The following KLF12 variants were observed in gnomAD, a reference collection of about 807,000 sequenced individuals.
KLF12 encodes the protein KLF transcription factor 12.
A neutral mutation model predicts 37.8 loss-of-function variants in KLF12; 9 were observed. The ratio of observed to expected loss-of-function variants is 0.24; its 90% CI spans 0.14 to 0.42. KLF12 has a LOEUF of 0.42. Among genes scored for constraint, KLF12 ranks in the 10% least tolerant of loss-of-function variants. The pLI, the probability that KLF12 is intolerant of heterozygous loss-of-function variation, is 1.00. For missense variants in KLF12, 411 were observed against 516.0 expected, an observed-to-expected ratio of 0.80 and a Z score of 1.97; for synonymous variants, 208 against 202.1, an observed-to-expected ratio of 1.03 and a Z score of -0.25.
intron 3 of KLF12, among the ~76,000 whole-genome samples, chr13:73,912,553 G>T (rs767538846): frequency 1.3e-5 from 2 of 152,068 alleles, no homozygotes; most frequent in Non-Finnish European, 2.9e-5. Flanking sequence ...TACAAACTAA[G>T]GGACACCAAA....
chr13:74,000,488 ATACTT>A (rs1259813436), intron 1 of KLF12, among the ~76,000 whole-genome samples: 3 of 152,200 alleles, frequency 2.0e-5, no homozygotes, highest in African/African-American at 7.2e-5. Flanking sequence ...TCGACTTAAA[ATACTT>A]CATTTATAAA....
At chr13:73,744,195 G>A (rs567126319) in intron 6 of KLF12, among the ~76,000 whole-genome samples, 139 of 152,182 alleles carry the variant, frequency 9.1e-4, no homozygotes, top group Non-Finnish European at 6.5e-4. Context: ...GGGTAGCATG[G>A]ATTGGATTAG....
chr13:74,200,332 G>A, the KLF12 span, among the ~76,000 whole-genome samples: 3 of 152,078 alleles, frequency 2.0e-5, no homozygotes, highest in Admixed American at 6.6e-5. Flanking sequence ...TATGTTTATT[G>A]GCAGTAGAAC....
At chr13:73,861,597 G>C (rs866611108) in intron 3 of KLF12, among the ~76,000 whole-genome samples, 4 of 152,184 alleles carry the variant, frequency 2.6e-5, no homozygotes, top group Admixed American at 6.5e-5. Flanking sequence ...GACCAAGAGT[G>C]TCGAAGTTTA....
At chr13:73,720,881 A>C (rs1876189669) in intron 6 of KLF12, among the ~76,000 whole-genome samples, 1 of 152,208 alleles carries the variant, frequency 6.6e-6, no homozygotes, top group Admixed American at 6.5e-5. Flanking sequence ...TTTTTACAGG[A>C]GTTAAAAAAA....
the KLF12 span, among the ~76,000 whole-genome samples, chr13:74,274,099 A>G: frequency 6.6e-6 from 1 of 152,160 alleles, no homozygotes; most frequent in African/African-American, 2.4e-5. Context: ...TCTTCCAGGG[A>G]ATGTGATTAT....
intron 1 of KLF12, among the ~76,000 whole-genome samples, chr13:74,121,725 G>A (rs1447201340): frequency 6.6e-6 from 1 of 151,912 alleles, no homozygotes; most frequent in African/African-American, 2.4e-5. Flanking sequence ...TATCCCAGGA[G>A]AGGTGTGATG....
At chr13:73,833,817 A>G (rs1884289339) in intron 4 of KLF12, among the ~76,000 whole-genome samples, 1 of 152,078 alleles carries the variant, frequency 6.6e-6, no homozygotes, top group African/African-American at 2.4e-5. Flanking sequence ...TGTGAGGTAG[A>G]TGTGAGGACG....
chr13:73,709,793 G>A (rs1875221835), intron 7 of KLF12, among the ~76,000 whole-genome samples: 1 of 152,124 alleles, frequency 6.6e-6, no homozygotes, highest in African/African-American at 2.4e-5. Context: ...GGAAACAGGA[G>A]AGCTAGGTGG....
intron 7 of KLF12, among the ~76,000 whole-genome samples, chr13:73,704,495 T>C (rs1009638966): frequency 3.3e-5 from 5 of 152,172 alleles, no homozygotes; most frequent in African/African-American, 1.2e-4. Context: ...CAGTTCTGCC[T>C]TCTAAAATCT....
chr13:74,151,693 C>T, the KLF12 span, among the ~76,000 whole-genome samples: 1 of 148,074 alleles, frequency 6.8e-6, no homozygotes. Flanking sequence ...TTCTCCAAAC[C>T]CAGGAAGAAG....
chr13:73,747,676 C>T (rs1878465808), intron 6 of KLF12, among the ~76,000 whole-genome samples: 1 of 152,034 alleles, frequency 6.6e-6, no homozygotes, highest in African/African-American at 2.4e-5. Flanking sequence ...TAATATAGTG[C>T]ATTTAATCCT....
chr13:73,850,872 C>G (rs1885300368), intron 3 of KLF12, among the ~76,000 whole-genome samples: 1 of 152,192 alleles, frequency 6.6e-6, no homozygotes, highest in Non-Finnish European at 1.5e-5. Flanking sequence ...ACTTGCCTAA[C>G]ATTACATAGC....
intron 1 of KLF12, among the ~76,000 whole-genome samples, chr13:74,116,015 T>G (rs797015052): frequency 6.6e-6 from 1 of 152,326 alleles, no homozygotes; most frequent in Middle Eastern, 3.4e-3. Context: ...CATTCCACAC[T>G]CTATCGCTGC....
the KLF12 span, among the ~76,000 whole-genome samples, chr13:74,189,068 C>T: frequency 1.8e-4 from 28 of 152,214 alleles, 1 homozygote; most frequent in Middle Eastern, 3.4e-3. Context: ...TTTAGAAGTG[C>T]TCCTGTGCCT....
At chr13:73,960,110 A>C (rs7320779) in intron 2 of KLF12, among the ~76,000 whole-genome samples, 99,231 of 151,504 alleles carry the variant, frequency 0.65, 34,222 homozygotes, top group East Asian at 0.81. Flanking sequence ...TGCTTCCAGT[A>C]TTAAAAATAA....
intron 1 of KLF12, among the ~76,000 whole-genome samples, chr13:74,028,111 T>G (rs2138465765): frequency 6.6e-6 from 1 of 152,302 alleles, no homozygotes; most frequent in South Asian, 2.1e-4. Context: ...CTATCAGAAC[T>G]CCTTTGAAAG....
intron 1 of KLF12, among the ~76,000 whole-genome samples, chr13:74,026,332 C>T (rs1892975856): frequency 6.6e-6 from 1 of 152,044 alleles, no homozygotes. Flanking sequence ...TAGTTGCATG[C>T]TTCTCTAATA....
At chr13:73,714,563 G>A (rs759224295) in intron 7 of KLF12, among the ~76,000 whole-genome samples, 9 of 152,156 alleles carry the variant, frequency 5.9e-5, no homozygotes, top group Non-Finnish European at 1.0e-4. Context: ...GCTTCACGCA[G>A]TCCAGTCACC....
Sources: gnomAD v4.1 joint callset for allele counts (sites outside exome capture counted in the v4.1 genomes callset) on GRCh38, gnomAD v4.1.1 for gene constraint, MANE v1.5 for transcripts, NCBI Gene and HGNC (gene_info 2026-07-23, HGNC 2026-07-21) for gene names.